The following FBXL5 variants were observed in gnomAD, a reference collection of about 807,000 sequenced individuals.
The protein encoded by FBXL5 is F-box and leucine rich repeat protein 5.
In FBXL5, 26 loss-of-function variants were observed where a neutral mutation model predicts 78.3. The ratio of observed to expected loss-of-function variants is 0.33; its 90% confidence interval spans 0.24 to 0.46. The LOEUF is 0.46. Among genes scored for constraint, FBXL5 ranks in the 20% least tolerant of loss-of-function variants. The probability of loss-of-function intolerance (pLI) is 1.00; values close to 1 mark genes in which losing one functional copy is unlikely to be tolerated. For missense variants in FBXL5, 710 were observed against 829.2 expected (o/e 0.86, Z 1.77); for synonymous variants, 295 against 282.5 (o/e 1.04, Z -0.45).
In FBXL5 at chr4:15,651,616, A is replaced by T. The variant is rs1716061673; in HGVS notation, c.84+3588T>A. On this transcript the variant is annotated intron_variant, in intron 1 of 10. Coordinates refer to ENST00000341285, the MANE Select transcript of FBXL5 (RefSeq NM_012161.4). ...GGGAAGGAAAACTGACAATAAAGCT[A>T]TACTCACTCATTTTTTAAAAAAGGA... is the stretch of plus-strand genomic sequence containing the variant. Among the ~76,000 whole-genome samples, 3 of 152,192 alleles carry T rather than the reference A, an allele frequency of 2.0e-5. No individual in the cohort carries two copies. In the South Asian group the frequency reaches 6.2e-4, roughly 31 times the overall value.
chr4:15,667,140 A>T (rs1307339215), intron 1 of FBXL5, among the ~76,000 whole-genome samples: 1 of 152,206 alleles, frequency 6.6e-6, no homozygotes. Context: ...TAATGATTTG[A>T]ATCATGGGAC....
At chr4:15,638,893 G>A (rs565620162) in intron 3 of FBXL5, among the ~76,000 whole-genome samples, 199 bp from the exon 4 acceptor site, 12 of 152,256 alleles carry the variant, frequency 7.9e-5, no homozygotes, top group Admixed American at 1.3e-4. Context: ...GGCCAGGCGC[G>A]GTGGCTAACA....
In FBXL5 at chr4:15,618,888, G is replaced by C. The variant is rs572025368; in HGVS notation, c.1850+6364C>G. Among the ~76,000 whole-genome samples the C allele has an allele frequency of 3.3e-5, 5 of 151,616 alleles. No individual in the cohort carries two copies. In the East Asian group the frequency reaches 9.8e-4, roughly 30 times the overall value. On this transcript the variant is annotated intron_variant, in intron 9 of 10. Coordinates refer to ENST00000341285, the MANE Select transcript of FBXL5 (RefSeq NM_012161.4). ...CCTTTCTCAAGCTCTGCCAAAAGAGGGCTGGGTGTGGTGGCTCATGCCTGT... is the reference window on the plus strand; with the variant it reads ...CCTTTCTCAAGCTCTGCCAAAAGAGCGCTGGGTGTGGTGGCTCATGCCTGT...
rs1414623536 is a variant in FBXL5, at chr4:15,605,214, A to C, written c.*509T>G. The C allele has an allele frequency of 6.5e-6, 1 of 153,010 alleles. No individual in the cohort carries two copies. Among genetic ancestry groups the C allele is most frequent in the African/African-American group, 2.4e-5 (1 of 41,466 alleles). 9.5% of individuals were successfully genotyped at this position (153,010 alleles called of 1,614,324 possible). On this transcript the variant is annotated 3_prime_UTR_variant, in exon 11 of 11. Transcript: ENST00000341285. ...TATTCTATAATCCTAAAGAACCTTAAATGTGGGTTTGTTTGAATTGGCCTT... is the reference window on the plus strand; with the variant it reads ...TATTCTATAATCCTAAAGAACCTTACATGTGGGTTTGTTTGAATTGGCCTT...
At chr4:15,644,856 A>G in intron 1 of FBXL5, 148 bp from the exon 2 acceptor site, 1 of 629,490 alleles carries the variant, frequency 1.6e-6, no homozygotes, top group Non-Finnish European at 2.7e-6. Context: ...TTCATAAATT[A>G]ACAAGTTATA....
Position 15,625,604 on chromosome 4 carries a change from T to G in FBXL5, c.1498A>C (p.Asn500His). ...TCCATTACACAAAGACTTTCAACAT[T>G]TCTATGTCTCCATTCCACAGTATCT... ...IEDTVEWRHR[N>H]VESLCVMETA... is the part of the protein sequence containing the mutation. Residue 500 changes from asparagine to histidine, a missense_variant, in exon 9 of 11, where the codon AAT becomes CAT. Physicochemically the swap from Asn to His is moderately conservative, Grantham distance 68. Coordinates refer to ENST00000341285, the MANE Select transcript of FBXL5 (RefSeq NM_012161.4). 2 of 1,614,174 alleles carry G rather than the reference T, an allele frequency of 1.2e-6. No homozygotes were observed. The highest frequency in any genetic ancestry group is 1.7e-6 in the Non-Finnish European group (2 of 1,180,020).
rs1713215307 is a variant in FBXL5, at chr4:15,627,758, C to T, written c.1041+127G>A. The T allele has an allele frequency of 1.1e-5, 8 of 755,048 alleles. No individual in the cohort carries two copies. The South Asian group carries it at 1.5e-4, about 14-fold the overall frequency. 46.8% of individuals were successfully genotyped at this position (755,048 alleles called of 1,614,324 possible). On this transcript the variant is annotated intron_variant, in intron 7 of 10. Coordinates refer to ENST00000341285, the MANE Select transcript of FBXL5 (RefSeq NM_012161.4). ...TAAGTAACCTAGCAGTGTATGCCTA[C>T]CCATAGGAAGGCACTCAATAATCAT...
Position 15,605,744 on chromosome 4 carries a change from G to A in FBXL5, c.2055C>T (p.Ala685=), listed in dbSNP as rs768075101. The A allele has an allele frequency of 2.5e-6, 4 of 1,613,656 alleles. No homozygotes were observed. The highest frequency in any genetic ancestry group is 3.4e-6 in the Non-Finnish European group (4 of 1,179,746). The change falls in exon 11 of 11, where the codon GCC becomes GCT. Residue 685 remains alanine (A), a synonymous_variant. Transcript: ENST00000341285. ...GCQNLQCGFR[A]CCRSGE Reference sequence around the variant, plus strand: ...AGGGTCATTCGCCAGAGCGGCAGCAGGCTCGAAAACCACACTGCAAATTCT... The same window carrying A: ...AGGGTCATTCGCCAGAGCGGCAGCAAGCTCGAAAACCACACTGCAAATTCT...
chr4:15,640,660 A>G (rs886968973), intron 3 of FBXL5, 128 bp downstream of exon 3: 13 of 457,848 alleles, frequency 2.8e-5, no homozygotes, highest in African/African-American at 2.4e-4. Context: ...TTTTTCCCAA[A>G]AAGAACTGCG....
At chr4:15,618,585 A>G (rs1044924880) in intron 9 of FBXL5, among the ~76,000 whole-genome samples, 5 of 152,234 alleles carry the variant, frequency 3.3e-5, no homozygotes, top group Admixed American at 2.6e-4. Flanking sequence ...TCACGCCTGC[A>G]ATTCCAGCAC....
At chr4:15,616,885 GCACT>G (rs1156384790) in intron 9 of FBXL5, among the ~76,000 whole-genome samples, 5 of 152,174 alleles carry the variant, frequency 3.3e-5, no homozygotes, top group African/African-American at 1.2e-4. Context: ...CACACTTTGG[GCACT>G]CAGTTTTTCA....
chr4:15,658,512 T>C (rs1383855643), upstream of FBXL5, among the ~76,000 whole-genome samples: 1 of 152,160 alleles, frequency 6.6e-6, no homozygotes, highest in Non-Finnish European at 1.5e-5. Flanking sequence ...TGGGTTATCA[T>C]AGGAGTGGGA....
chr4:15,617,042 C>T (rs1214405393), intron 9 of FBXL5, among the ~76,000 whole-genome samples: 1 of 152,186 alleles, frequency 6.6e-6, no homozygotes, highest in Non-Finnish European at 1.5e-5. Context: ...TTAGTTCAAC[C>T]ATTGTGGAGG....
intron 5 of FBXL5, among the ~76,000 whole-genome samples, chr4:15,632,395 G>A (rs1352650025): frequency 3.3e-5 from 5 of 152,188 alleles, no homozygotes; most frequent in African/African-American, 7.2e-5. Flanking sequence ...TTGGCAACGC[G>A]GGCTCTTTTT....
At chr4:15,614,076 A>G (rs1711537834) in intron 9 of FBXL5, among the ~76,000 whole-genome samples, 1 of 152,200 alleles carries the variant, frequency 6.6e-6, no homozygotes, top group African/African-American at 2.4e-5. Flanking sequence ...ACTATGTCAG[A>G]GGGAAGATCT....
chr4:15,654,392 A>G (rs1328195747), intron 1 of FBXL5, among the ~76,000 whole-genome samples: 1 of 152,208 alleles, frequency 6.6e-6, no homozygotes, highest in Admixed American at 6.5e-5. Flanking sequence ...CCATCTCCAC[A>G]AAAGTGCCTC....
intron 10 of FBXL5, among the ~76,000 whole-genome samples, chr4:15,606,239 A>T (rs1031990848): frequency 1.3e-5 from 2 of 152,164 alleles, no homozygotes; most frequent in African/African-American, 4.8e-5. Context: ...ATTATCTTCA[A>T]ATTTTAAAGC....
At chr4:15,623,855 C>T (rs1051461253) in intron 9 of FBXL5, among the ~76,000 whole-genome samples, 1 of 151,418 alleles carries the variant, frequency 6.6e-6, no homozygotes, top group Admixed American at 6.6e-5. Flanking sequence ...CGGAATTTCG[C>T]TCTGTCGCCC....
chr4:15,656,128 T>TG, upstream of FBXL5: 1 of 451,638 alleles, frequency 2.2e-6, no homozygotes, highest in Non-Finnish European at 4.4e-6. Context: ...GCCTTGGGGG[T>TG]GGGGAGAAGG....
Sources: allele counts gnomAD v4.1 joint callset (sites outside exome capture counted in the v4.1 genomes callset), GRCh38; gene constraint gnomAD v4.1.1; transcripts MANE v1.5; gene names NCBI Gene and HGNC (gene_info 2026-07-23, HGNC 2026-07-21).